PTPRG: variants seen among roughly 807,000 people sequenced by gnomAD.
PTPRG encodes receptor-type tyrosine-protein phosphatase gamma.
PTPRG carries 102 observed loss-of-function variants against 165.3 expected under a neutral mutation model. That is an observed-to-expected ratio of 0.62 (90% CI 0.53 to 0.73). The LOEUF is 0.73. Among genes scored for constraint, PTPRG ranks in the 30% least tolerant of loss-of-function variants. PTPRG has a pLI of 0.00. For missense variants in PTPRG, 1,866 were observed against 1,861.4 expected, an observed-to-expected ratio of 1.00 and a Z score of -0.05; for synonymous variants, 675 against 669.5, an observed-to-expected ratio of 1.01 and a Z score of -0.13.
At chr3:61,842,193 G>C (rs1345049293) in intron 2 of PTPRG, among the ~76,000 whole-genome samples, 1 of 152,160 alleles carries the variant, frequency 6.6e-6, no homozygotes, top group Non-Finnish European at 1.5e-5. Context: ...AACAGCCAAG[G>C]TTAGCAACCT....
chr3:61,646,096 G>C lies in PTPRG; in HGVS notation c.85+83724G>C, dbSNP rs1471150981. 2.0e-5 allele frequency among the ~76,000 whole-genome samples: 3 copies of C among 152,060 alleles called. No individual in the cohort carries two copies. The East Asian group carries it at 5.8e-4, about 29-fold the overall frequency. On this transcript the variant is annotated intron_variant, in intron 1 of 29. Coordinates refer to ENST00000474889, the MANE Select transcript of PTPRG (RefSeq NM_002841.4). ...AAATATGGTTTGTTTTTGATTCTCT[G>C]CAGTAGATCATCTTTTTTTATTTTT...
chr3:62,148,071 G>A (rs537405290), intron 6 of PTPRG, among the ~76,000 whole-genome samples: 2 of 152,268 alleles, frequency 1.3e-5, no homozygotes, highest in South Asian at 4.2e-4. Flanking sequence ...ACTTCAACCC[G>A]GGAGGTGGAG....
chr3:61,814,373 A>G (rs995673953), intron 2 of PTPRG, among the ~76,000 whole-genome samples: 2 of 152,186 alleles, frequency 1.3e-5, no homozygotes, highest in Non-Finnish European at 2.9e-5. Context: ...CTTCTCGTAT[A>G]CAAGAACAGC....
At chr3:62,184,711 C>T (rs1475197569) in intron 8 of PTPRG, among the ~76,000 whole-genome samples, 3 of 152,170 alleles carry the variant, frequency 2.0e-5, no homozygotes, top group African/African-American at 4.8e-5. Flanking sequence ...CCTCTGACAC[C>T]GCCCCTGTGT....
At chr3:61,846,836 G>A (rs1211989419) in intron 2 of PTPRG, among the ~76,000 whole-genome samples, 1 of 152,102 alleles carries the variant, frequency 6.6e-6, no homozygotes, top group Non-Finnish European at 1.5e-5. Flanking sequence ...GATTGCTTGA[G>A]TCCAGGAGGT....
intron 4 of PTPRG, among the ~76,000 whole-genome samples, chr3:62,050,408 A>G (rs1700434230): frequency 6.6e-6 from 1 of 152,198 alleles, no homozygotes; most frequent in Non-Finnish European, 1.5e-5. Context: ...GCCAAGGTGT[A>G]TAGCAGGCTA....
chr3:61,794,356 T>C (rs1267189257), intron 2 of PTPRG, among the ~76,000 whole-genome samples: 1 of 152,206 alleles, frequency 6.6e-6, no homozygotes, highest in Non-Finnish European at 1.5e-5. Context: ...AGATTGTTTA[T>C]GGTTTTGGTT....
chr3:61,784,357 T>C (rs2034633005), intron 2 of PTPRG, among the ~76,000 whole-genome samples: 1 of 152,214 alleles, frequency 6.6e-6, no homozygotes, highest in South Asian at 2.1e-4. Context: ...CTTCATTTTT[T>C]TCAGATACTT....
At chr3:62,109,498 T>C (rs1290428823) in intron 5 of PTPRG, among the ~76,000 whole-genome samples, 27 of 152,224 alleles carry the variant, frequency 1.8e-4, no homozygotes, top group Admixed American at 1.7e-3. Flanking sequence ...AGCTTTGTTC[T>C]TCTTGCCCAG....
chr3:62,157,349 G>T, intron 7 of PTPRG, 125 bp downstream of exon 7: 4 of 979,902 alleles, frequency 4.1e-6, no homozygotes, highest in Non-Finnish European at 5.7e-6. Flanking sequence ...ATTGATTCCT[G>T]CAGTCTTTCC....
rs2036746792 is a variant in PTPRG at position 61,844,476 on chromosome 3, C to T, written c.190+95494C>T. Among the ~76,000 whole-genome samples, 4 of 151,998 alleles carry T rather than the reference C, an allele frequency of 2.6e-5. No homozygotes were observed. The South Asian group carries it at 8.3e-4, about 31-fold the overall frequency. ...AGTTATTTGTCCTGTATCAGAAATT[C>T]AAATTTAAGTGGGCATCTGTTTTTG... On this transcript the variant is annotated intron_variant, in intron 2 of 29. Transcript: ENST00000474889.
intron 4 of PTPRG, among the ~76,000 whole-genome samples, chr3:62,075,839 G>A (rs976093646): frequency 9.2e-5 from 14 of 152,092 alleles, no homozygotes; most frequent in African/African-American, 3.4e-4. Context: ...TGGAAAAGTA[G>A]GGAAATAGAG....
rs569535577 is a variant in PTPRG at position 62,012,790 on chromosome 3, G to A, written c.519+9293G>A. ...GATGCTCAATCTGTATCGTAGGAAAGAAAAAAATGAAAGGGCTTCAAATGT... is the reference window on the plus strand; with the variant it reads ...GATGCTCAATCTGTATCGTAGGAAAAAAAAAAATGAAAGGGCTTCAAATGT... On this transcript the variant is annotated intron_variant, in intron 4 of 29. Coordinates refer to ENST00000474889, the MANE Select transcript of PTPRG (RefSeq NM_002841.4). 3.9e-5 allele frequency among the ~76,000 whole-genome samples: 6 copies of A among 151,978 alleles called. 1 individual carries two copies. Among genetic ancestry groups the A allele is most frequent in the Admixed American group, 3.3e-4 (5 of 15,276 alleles).
chr3:61,625,233 G>T (rs1433913428), intron 1 of PTPRG, among the ~76,000 whole-genome samples: 1 of 150,614 alleles, frequency 6.6e-6, no homozygotes, highest in Admixed American at 6.7e-5. Flanking sequence ...TTTAAGGGGG[G>T]ATATGATTCG....
intron 1 of PTPRG, among the ~76,000 whole-genome samples, 199 bp from the exon 2 acceptor site, chr3:61,748,679 A>G (rs896261707): frequency 1.3e-5 from 2 of 151,742 alleles, no homozygotes; most frequent in African/African-American, 4.8e-5. Context: ...GTTCCTTGTC[A>G]ACGATTCCTA....
At position 62,157,087 on chromosome 3, in the gene PTPRG, C is replaced by G. The variant is rs759703682; in HGVS notation, c.703C>G (p.Pro235Ala). The change falls in exon 7 of 30, where the codon CCT (proline) becomes GCT (alanine). Residue 235 changes from proline (P) to alanine (A), a missense_variant. Around this residue, in one of 3 missense-constraint regions of PTPRG, gnomAD observed 408 missense variants for 376.2 expected, o/e 1.08. Transcript: ENST00000474889. ...VHHEKETFLD[P>A]FVLRDLLPAS... is the part of the protein sequence containing the mutation. ...AACAGAGAAGGAGACCTTTCTGGAT[C>G]CTTTCGTCCTCCGGGACCTCCTGCC... 1 of 1,607,684 alleles carries G rather than the reference C, an allele frequency of 6.2e-7. No homozygotes were observed. The highest frequency in any genetic ancestry group is 1.3e-5 in the African/African-American group (1 of 74,736).
At chr3:62,130,431 A>G (rs994635930) in intron 5 of PTPRG, among the ~76,000 whole-genome samples, 4 of 152,194 alleles carry the variant, frequency 2.6e-5, no homozygotes, top group Non-Finnish European at 4.4e-5. Context: ...TACACTTTCC[A>G]TAGAGGAGGG....
intron 1 of PTPRG, among the ~76,000 whole-genome samples, chr3:61,680,595 G>C (rs924709478): frequency 3.3e-5 from 1 of 30,626 alleles, no homozygotes; most frequent in East Asian, 1.5e-3. Flanking sequence ...TTTTCATTCT[G>C]TCCTTCAAAA....
intron 3 of PTPRG, among the ~76,000 whole-genome samples, chr3:61,992,916 C>G (rs1413019864): frequency 6.6e-6 from 1 of 152,190 alleles, no homozygotes; most frequent in Non-Finnish European, 1.5e-5. Flanking sequence ...ATCTGCCTGC[C>G]TCAGCCTCCC....
Sources: allele counts gnomAD v4.1 joint callset (sites outside exome capture counted in the v4.1 genomes callset), GRCh38; gene constraint gnomAD v4.1.1; regional missense constraint gnomAD v4.1.1; transcripts MANE v1.5; gene names NCBI Gene and HGNC (gene_info 2026-07-23, HGNC 2026-07-21).